The following ATF6 variants were observed in gnomAD, a reference collection of about 807,000 sequenced individuals.
ATF6 encodes activating transcription factor 6.
A neutral mutation model predicts 83.6 loss-of-function variants in ATF6; 53 were observed. That is an observed-to-expected ratio of 0.63 (90% CI 0.51 to 0.80). The LOEUF (loss-of-function observed/expected upper bound fraction) is 0.80, where lower values mean the gene tolerates loss of function less well. ATF6 is among the 30% of genes least tolerant of loss of function. The pLI is 0.00. For missense variants in ATF6, 744 were observed against 797.9 expected, an observed-to-expected ratio of 0.93 and a Z score of 0.81; for synonymous variants, 288 against 285.8, an observed-to-expected ratio of 1.01 and a Z score of -0.08.
chr1:161,818,143 T>C (rs1685659346), intron 7 of ATF6, among the ~76,000 whole-genome samples: 1 of 152,046 alleles, frequency 6.6e-6, no homozygotes, highest in Non-Finnish European at 1.5e-5. Flanking sequence ...TCTTTAACTT[T>C]ATTTACTGGT....
intron 14 of ATF6, among the ~76,000 whole-genome samples, chr1:161,871,773 T>C (rs1330559668): frequency 1.3e-5 from 2 of 151,686 alleles, no homozygotes; most frequent in Non-Finnish European, 3.0e-5. Context: ...AGTTTCCTTA[T>C]ATGTTAAGTG....
At chr1:161,879,208 A>G (rs1443013861) in intron 14 of ATF6, among the ~76,000 whole-genome samples, 1 of 152,124 alleles carries the variant, frequency 6.6e-6, no homozygotes, top group Non-Finnish European at 1.5e-5. Context: ...GGACATCTCA[A>G]CTGATGTCAT....
intron 15 of ATF6, among the ~76,000 whole-genome samples, chr1:161,952,429 TC>T (rs1688883664): frequency 6.6e-6 from 1 of 152,048 alleles, no homozygotes; most frequent in African/African-American, 2.4e-5. Flanking sequence ...CACCCCACAC[TC>T]AATCCCTAAT....
chr1:161,814,411 G>A (rs2101774766), intron 7 of ATF6, among the ~76,000 whole-genome samples: 1 of 152,178 alleles, frequency 6.6e-6, no homozygotes, highest in East Asian at 1.9e-4. Flanking sequence ...GAGATTGGTA[G>A]GGTTTCCCCA....
At chr1:161,838,429 T>G (rs1261212302) in intron 9 of ATF6, among the ~76,000 whole-genome samples, 5 of 152,040 alleles carry the variant, frequency 3.3e-5, no homozygotes, top group African/African-American at 7.2e-5. Context: ...TTGGGCAGAG[T>G]TCAGGACAGA....
At chr1:161,767,243 A>T (rs1684285887) in intron 1 of ATF6, among the ~76,000 whole-genome samples, 1 of 151,990 alleles carries the variant, frequency 6.6e-6, no homozygotes, top group Non-Finnish European at 1.5e-5. Context: ...AGCCTACACC[A>T]CTCATCAGCC....
intron 15 of ATF6, among the ~76,000 whole-genome samples, chr1:161,936,053 T>C (rs1688529405): frequency 6.6e-6 from 1 of 152,208 alleles, no homozygotes; most frequent in Non-Finnish European, 1.5e-5. Flanking sequence ...GTATCCCACA[T>C]CTTCTCCACA....
intron 15 of ATF6, among the ~76,000 whole-genome samples, chr1:161,915,487 A>G (rs969349608): frequency 6.6e-6 from 1 of 152,188 alleles, no homozygotes; most frequent in Non-Finnish European, 1.5e-5. Context: ...GCCAACTTCT[A>G]AGGTAATTTC....
At chr1:161,845,955 A>C (rs897380558) in intron 9 of ATF6, among the ~76,000 whole-genome samples, 2 of 152,076 alleles carry the variant, frequency 1.3e-5, no homozygotes, top group Non-Finnish European at 2.9e-5. Flanking sequence ...GTATTTAAAA[A>C]ATTTTTTTTT....
At chr1:161,836,019 G>C (rs1012250244) in intron 9 of ATF6, among the ~76,000 whole-genome samples, 1 of 152,202 alleles carries the variant, frequency 6.6e-6, no homozygotes, top group Non-Finnish European at 1.5e-5. Context: ...CATCAGACTT[G>C]GATGAGGAAG....
chr1:161,961,672 G>T lies in ATF6; in HGVS notation c.*3018G>T, dbSNP rs965730256. On this transcript the variant is annotated 3_prime_UTR_variant, in exon 16 of 16. Coordinates refer to ENST00000367942, the MANE Select transcript of ATF6 (RefSeq NM_007348.4). ...TATTTATTAAATTTTAAACAGGATTGTGCAAGCTTATGAGACAATTAGATA... is the reference window on the plus strand; with the variant it reads ...TATTTATTAAATTTTAAACAGGATTTTGCAAGCTTATGAGACAATTAGATA... 6.6e-6 allele frequency: 1 copy of T among 151,226 alleles called. No individual in the cohort carries two copies. The highest frequency in any genetic ancestry group is 2.4e-5 in the African/African-American group (1 of 41,148). The allele number at this position is 151,226 out of a possible 1,614,324, so 9.4% of individuals were successfully genotyped here. A position where few individuals can be genotyped will look rare whatever the true frequency, so the allele number is the denominator to read the frequency against.
chr1:161,906,134 A>G (rs1007397176), intron 14 of ATF6, among the ~76,000 whole-genome samples: 1 of 151,918 alleles, frequency 6.6e-6, no homozygotes, highest in African/African-American at 2.4e-5. Flanking sequence ...CGCCTGGCCA[A>G]CTCAAGTTAT....
In ATF6 at chr1:161,897,162, G is replaced by A. The variant is rs1028057892; in HGVS notation, c.1720-15134G>A. On this transcript the variant is annotated intron_variant, in intron 14 of 15. Transcript: ENST00000367942. Reference sequence around the variant, plus strand: ...AAATATTATGTAAAGAGCTGGGCTCGGTGGCACACACCTGTAATCCTAGCA... The same window carrying A: ...AAATATTATGTAAAGAGCTGGGCTCAGTGGCACACACCTGTAATCCTAGCA... Among the ~76,000 whole-genome samples, 18 of 152,142 alleles carry A rather than the reference G, an allele frequency of 1.2e-4. No homozygotes were observed. The South Asian group carries it at 1.2e-3, about 11-fold the overall frequency.
chr1:161,783,192 C>T (rs1046469394), intron 3 of ATF6, among the ~76,000 whole-genome samples: 1 of 152,108 alleles, frequency 6.6e-6, no homozygotes, highest in Non-Finnish European at 1.5e-5. Context: ...GCATTTCCAG[C>T]TTCAGAATTC....
chr1:161,849,574 T>C (rs1686564722), intron 10 of ATF6, among the ~76,000 whole-genome samples: 1 of 152,178 alleles, frequency 6.6e-6, no homozygotes, highest in Non-Finnish European at 1.5e-5. Flanking sequence ...TTTGTGTTAC[T>C]ATGGTTTTTT....
rs779891634 is a variant in ATF6, at chr1:161,766,372, G to A, written c.12G>A (p.Pro4=). 1 of 1,612,884 alleles carries A rather than the reference G, an allele frequency of 6.2e-7. No homozygotes were observed. The highest frequency in any genetic ancestry group is 1.1e-5 in the South Asian group (1 of 90,744). The change falls in exon 1 of 16, where the codon CCG becomes CCA. Residue 4 remains proline (P), a synonymous_variant. Coordinates refer to ENST00000367942, the MANE Select transcript of ATF6 (RefSeq NM_007348.4). Reference sequence around the variant, plus strand: ...AAGGAACTTGTGAAATGGGGGAGCCGGCTGGGGTTGCCGGCACCATGGAGT... The same window carrying A: ...AAGGAACTTGTGAAATGGGGGAGCCAGCTGGGGTTGCCGGCACCATGGAGT... MGE[P]AGVAGTMESP...
chr1:161,848,730 C>T (rs1001704673), intron 10 of ATF6, among the ~76,000 whole-genome samples: 1 of 152,016 alleles, frequency 6.6e-6, no homozygotes, highest in African/African-American at 2.4e-5. Flanking sequence ...ACTCTAGCTC[C>T]CTAGCACTGT....
At position 161,863,289 on chromosome 1, in the gene ATF6, T is replaced by A; in HGVS notation, c.1696T>A (p.Phe566Ile). The A allele has an allele frequency of 6.2e-7, 1 of 1,610,480 alleles. No individual in the cohort carries two copies. The highest frequency in any genetic ancestry group is 8.5e-7 in the Non-Finnish European group (1 of 1,176,812). Residue 566 changes from phenylalanine (F) to isoleucine (I), a missense_variant, in exon 14 of 16, where the codon TTT (phenylalanine) becomes ATT (isoleucine). Transcript: ENST00000367942. Reference sequence around the variant, plus strand: ...AGCCATCCGCAGAAGGGGAGACACATTTTATGTTGTGTCATTTCGAAGGGT... The same window carrying A: ...AGCCATCCGCAGAAGGGGAGACACAATTTATGTTGTGTCATTTCGAAGGGT... ...FEAIRRRGDT[F>I]YVVSFRRDHL...
chr1:161,906,999 AAT>A (rs1687888758), intron 14 of ATF6, among the ~76,000 whole-genome samples: 1 of 152,062 alleles, frequency 6.6e-6, no homozygotes, highest in Admixed American at 6.5e-5. Context: ...TGTTTTTTGT[AAT>A]TTTTATTTTC....
Sources: allele counts gnomAD v4.1 joint callset (sites outside exome capture counted in the v4.1 genomes callset), GRCh38; gene constraint gnomAD v4.1.1; transcripts MANE v1.5; gene names NCBI Gene and HGNC (gene_info 2026-07-23, HGNC 2026-07-21).